The following RASSF3 variants were observed in gnomAD, a reference collection of about 807,000 sequenced individuals.
RASSF3 encodes Ras association domain family member 3.
Under a neutral mutation model 19.9 loss-of-function variants are expected in RASSF3, and 19 were observed. The ratio of observed to expected loss-of-function variants is 0.96; its 90% confidence interval spans 0.67 to 1.40. The LOEUF (loss-of-function observed/expected upper bound fraction) is 1.40, where lower values mean the gene tolerates loss of function less well. RASSF3 is among the 40% of genes most tolerant of loss of function. The pLI is 0.00. For missense variants in RASSF3, 306 were observed against 289.8 expected, an observed-to-expected ratio of 1.06 and a Z score of -0.41; for synonymous variants, 110 against 104.2, an observed-to-expected ratio of 1.06 and a Z score of -0.34.
At chr12:64,681,830 T>C (rs1873137071) in intron 1 of RASSF3, among the ~76,000 whole-genome samples, 1 of 151,998 alleles carries the variant, frequency 6.6e-6, no homozygotes, top group Non-Finnish European at 1.5e-5. Flanking sequence ...CTGGGCAACA[T>C]AGCCAGACGT....
chr12:64,653,371 A>G (rs550535251), intron 1 of RASSF3, among the ~76,000 whole-genome samples: 90 of 152,074 alleles, frequency 5.9e-4, no homozygotes, highest in Non-Finnish European at 1.1e-3. Flanking sequence ...TGACTGACCC[A>G]TCACACCTGG....
At chr12:64,676,745 A>G (rs1232999852) in intron 1 of RASSF3, among the ~76,000 whole-genome samples, 1 of 150,752 alleles carries the variant, frequency 6.6e-6, no homozygotes, top group Non-Finnish European at 1.5e-5. Context: ...TGCTGGGATT[A>G]CAGGCGTGAG....
chr12:64,624,297 A>G (rs1179852492), intron 1 of RASSF3, among the ~76,000 whole-genome samples: 1 of 152,018 alleles, frequency 6.6e-6, no homozygotes, highest in East Asian at 1.9e-4. Flanking sequence ...GTAATGAAAA[A>G]GAGGGAGAAC....
intron 2 of RASSF3, among the ~76,000 whole-genome samples, chr12:64,576,242 G>A (rs1190908556): frequency 6.6e-6 from 1 of 152,114 alleles, no homozygotes; most frequent in African/African-American, 2.4e-5. Context: ...GAAACAGACT[G>A]ACACATTTAT....
intron 1 of RASSF3, among the ~76,000 whole-genome samples, chr12:64,682,793 T>C (rs771506282): frequency 2.6e-5 from 4 of 152,202 alleles, no homozygotes; most frequent in Non-Finnish European, 4.4e-5. Context: ...GCTGTGAGAA[T>C]GATGTGATGT....
Position 64,604,031 on chromosome 12 carries a change from A to G in RASSF3, c.294+62326A>G, listed in dbSNP as rs139697374. On this transcript the variant is annotated intron_variant, in intron 2 of 5. Transcript: ENST00000637125. ...CCCAGCTCATTTTTGTATTTTTAGTAGAGATGGGGTTTCACCATGTGGGCC... is the reference window on the plus strand; with the variant it reads ...CCCAGCTCATTTTTGTATTTTTAGTGGAGATGGGGTTTCACCATGTGGGCC... Among the ~76,000 whole-genome samples, 643 of 152,040 alleles carry G rather than the reference A, an allele frequency of 4.2e-3. 1 individual carries two copies. Among genetic ancestry groups the G allele is most frequent in the African/African-American group, 0.015 (617 of 41,472 alleles).
intron 1 of RASSF3, among the ~76,000 whole-genome samples, chr12:64,649,674 G>A (rs534659715): frequency 6.6e-6 from 1 of 152,326 alleles, no homozygotes; most frequent in East Asian, 1.9e-4. Flanking sequence ...AGTGTCAAAT[G>A]TCTCGAAAAG....
intron 1 of RASSF3, chr12:64,653,966 T>A (rs1340144610): frequency 6.6e-6 from 1 of 152,248 alleles, no homozygotes; most frequent in Non-Finnish European, 1.5e-5. Context: ...GGTGGTGGGC[T>A]GTTAGTGGAT....
intron 2 of RASSF3, among the ~76,000 whole-genome samples, chr12:64,554,627 G>C (rs1869226980): frequency 6.6e-6 from 1 of 152,044 alleles, no homozygotes; most frequent in African/African-American, 2.4e-5. Context: ...TAAATAGAAA[G>C]GGGAAAAGGA....
In RASSF3 at chr12:64,610,676, T is replaced by C. The variant is rs530273390; in HGVS notation, c.44T>C (p.Phe15Ser). The change falls in exon 1 of 5, where the codon TTC becomes TCC. Residue 15 changes from phenylalanine (F) to serine (S), a missense_variant. Transcript: ENST00000542104. ...YSSLEEDAED[F>S]FFTARTSFFR... ...AGCCTGGAGGAGGACGCCGAGGACT[T>C]CTTCTTCACCGCCAGGACCTCCTTC... 2 of 1,592,670 alleles carry C rather than the reference T, an allele frequency of 1.3e-6. No individual in the cohort carries two copies. Among genetic ancestry groups the C allele is most frequent in the Non-Finnish European group, 1.7e-6 (2 of 1,171,814 alleles).
At chr12:64,545,589 A>G (rs1869039312), downstream of RASSF3, among the ~76,000 whole-genome samples, 2 of 152,174 alleles carry the variant, frequency 1.3e-5, no homozygotes, top group Admixed American at 1.3e-4. Flanking sequence ...CAATGGGTTG[A>G]GCATAAAATT....
chr12:64,572,748 C>T (rs1869540217), intron 2 of RASSF3, among the ~76,000 whole-genome samples: 1 of 152,158 alleles, frequency 6.6e-6, no homozygotes, highest in Non-Finnish European at 1.5e-5. Flanking sequence ...GATGAAGAAA[C>T]AGAGGTTACA....
At chr12:64,666,864 C>T (rs976097004) in intron 1 of RASSF3, among the ~76,000 whole-genome samples, 3 of 152,312 alleles carry the variant, frequency 2.0e-5, no homozygotes, top group Non-Finnish European at 1.5e-5. Context: ...GGTTCATTTA[C>T]TAAGCAGAAA....
At chr12:64,589,469 A>G (rs1869878369) in intron 2 of RASSF3, among the ~76,000 whole-genome samples, 1 of 152,158 alleles carries the variant, frequency 6.6e-6, no homozygotes, top group African/African-American at 2.4e-5. Flanking sequence ...AATAAGATAA[A>G]AATGTCAGCA....
chr12:64,529,709 A>G (rs771807711), upstream of RASSF3, among the ~76,000 whole-genome samples: 2 of 152,194 alleles, frequency 1.3e-5, no homozygotes, highest in Non-Finnish European at 2.9e-5. Context: ...AAATTCCCTT[A>G]TTGGCCTATC....
chr12:64,595,578 C>A (rs1160918747), intron 2 of RASSF3, among the ~76,000 whole-genome samples: 3 of 152,104 alleles, frequency 2.0e-5, no homozygotes, highest in African/African-American at 7.2e-5. Context: ...ACATCTTTTT[C>A]TCCTGTTAAT....
chr12:64,586,087 G>A (rs980576413), intron 2 of RASSF3, among the ~76,000 whole-genome samples: 2 of 152,282 alleles, frequency 1.3e-5, no homozygotes, highest in African/African-American at 4.8e-5. Flanking sequence ...CACTTTGGGA[G>A]GGGGAGGTGG....
At chr12:64,555,605 A>C (rs7137222) in intron 2 of RASSF3, among the ~76,000 whole-genome samples, 95,838 of 151,860 alleles carry the variant, frequency 0.63, 31,045 homozygotes, top group Non-Finnish European at 0.71. Context: ...AAAAATTAGC[A>C]AGGTATGGTG....
chr12:64,691,737 G>GAAGGGA (rs1457630535), intron 4 of RASSF3, among the ~76,000 whole-genome samples, 158 bp downstream of exon 4: 1 of 151,688 alleles, frequency 6.6e-6, no homozygotes, highest in African/African-American at 2.4e-5. Context: ...CAGGGAGAGG[G>GAAGGGA]AGAGGGATTT....
Sources: allele counts gnomAD v4.1 joint callset (sites outside exome capture counted in the v4.1 genomes callset), GRCh38; gene constraint gnomAD v4.1.1; transcripts MANE v1.5; gene names NCBI Gene and HGNC (gene_info 2026-07-23, HGNC 2026-07-21).